MICAL2: variants seen among roughly 807,000 people sequenced by gnomAD.
MICAL2 encodes the protein microtubule associated monooxygenase, calponin and LIM domain containing 2.
In MICAL2, 77 loss-of-function variants were observed where a neutral mutation model predicts 127.3. The observed-to-expected ratio is 0.60, with a 90% CI of 0.50 to 0.73. The LOEUF is 0.73. MICAL2 is among the 30% of genes least tolerant of loss of function. The pLI, the probability that MICAL2 is intolerant of heterozygous loss-of-function variation, is 0.00. For synonymous variants in MICAL2, 570 were observed against 551.1 expected (o/e 1.03, Z -0.48); for missense variants, 1,351 against 1,434.4 (o/e 0.94, Z 0.94).
At chr11:12,335,449 T>A (rs1938734346) in intron 32 of MICAL2, among the ~76,000 whole-genome samples, 1 of 152,126 alleles carries the variant, frequency 6.6e-6, no homozygotes, top group African/African-American at 2.4e-5. Flanking sequence ...CAGAAGCTCT[T>A]GAGTTTAATT....
intron 2 of MICAL2, among the ~76,000 whole-genome samples, chr11:12,139,356 C>T (rs551394668): frequency 3.9e-5 from 6 of 152,268 alleles, no homozygotes; most frequent in East Asian, 3.9e-4. Context: ...CCCTTCTCTC[C>T]GGGAGCTTTC....
chr11:12,262,043 G>C, intron 26 of MICAL2: 1 of 1,061,166 alleles, frequency 9.4e-7, no homozygotes, highest in African/African-American at 1.7e-5. Context: ...AAGGAGACTG[G>C]TTTGAATTAC....
intron 27 of MICAL2, chr11:12,262,830 C>G (rs181890450): frequency 3.1e-6 from 1 of 321,036 alleles, no homozygotes; most frequent in African/African-American, 2.1e-5. Context: ...GTTGCGTCTG[C>G]GAAGCTACCT....
chr11:12,239,334 C>T lies in MICAL2; in HGVS notation c.2065-102C>T, dbSNP rs567013387. Reference sequence around the variant, plus strand: ...CCCTTCCTCAGACCATGGAGGGAGCCCTTCTGCGGGAAGCTAGTCCCACGT... The same window carrying T: ...CCCTTCCTCAGACCATGGAGGGAGCTCTTCTGCGGGAAGCTAGTCCCACGT... On this transcript the variant is annotated intron_variant, in intron 16 of 27. Transcript: ENST00000683283. 3.1e-5 allele frequency: 46 copies of T among 1,501,058 alleles called. No homozygotes were observed. The African/African-American group carries it at 5.9e-4, about 19-fold the overall frequency. The allele number at this position is 1,501,058 out of a possible 1,614,324, so 93.0% of individuals were successfully genotyped here.
Position 12,213,329 on chromosome 11 carries a change from G to A in MICAL2, c.766G>A (p.Ala256Thr). The A allele has an allele frequency of 2.5e-6, 4 of 1,614,090 alleles. No individual in the cohort carries two copies. The highest frequency in any genetic ancestry group is 3.4e-6 in the Non-Finnish European group (4 of 1,179,934). ...CAACTTCATAAACAGAAACAGCACA[G>A]CGGAAGCCAAGGTGGAAGAGATTAG... ...TANFINRNST[A>T]EAKVEEISGV... The change falls in exon 7 of 28, where the codon GCG becomes ACG. Residue 256 changes from alanine to threonine, a missense_variant. Ala to Thr is a moderately conservative substitution (Grantham distance 58). Coordinates refer to ENST00000683283, the MANE Select transcript of MICAL2 (RefSeq NM_001282663.2).
At chr11:12,200,208 A>G (rs913363678) in intron 3 of MICAL2, among the ~76,000 whole-genome samples, 1 of 152,200 alleles carries the variant, frequency 6.6e-6, no homozygotes, top group African/African-American at 2.4e-5. Context: ...TGACCCGCAG[A>G]GCTGGTTCTG....
intron 29 of MICAL2, among the ~76,000 whole-genome samples, chr11:12,305,409 C>G (rs1864097368): frequency 6.6e-6 from 1 of 152,176 alleles, no homozygotes; most frequent in African/African-American, 2.4e-5. Flanking sequence ...TATGGGATTA[C>G]AGGTCCTTCC....
Position 12,358,402 on chromosome 11 carries a change from C to G in MICAL2, c.5797C>G (p.Arg1933Gly). Residue 1933 changes from arginine (R) to glycine (G), a missense_variant, in exon 35 of 35, where the codon CGC (arginine) becomes GGC (glycine). Transcript: ENST00000646065. ...ACTCGTCGATTCCTTAGAGGAACAA[C>G]GCATCAGAGAAAAAGCCGAGGACCA... is the stretch of plus-strand genomic sequence containing the variant. The G allele has an allele frequency of 6.2e-7, 1 of 1,614,102 alleles. No homozygotes were observed. Among genetic ancestry groups the G allele is most frequent in the South Asian group, 1.1e-5 (1 of 91,074 alleles).
chr11:12,120,754 A>G (rs1850439843), intron 1 of MICAL2, among the ~76,000 whole-genome samples: 1 of 152,220 alleles, frequency 6.6e-6, no homozygotes. Flanking sequence ...GGCTGGAATC[A>G]GGCTGCTCTG....
chr11:12,180,000 A>G (rs1857246836), intron 3 of MICAL2, among the ~76,000 whole-genome samples: 1 of 151,988 alleles, frequency 6.6e-6, no homozygotes, highest in Non-Finnish European at 1.5e-5. Context: ...TTCTCCACCA[A>G]ATTTCTGGGG....
At chr11:12,347,946 G>T (rs1294502075) in intron 32 of MICAL2, among the ~76,000 whole-genome samples, 7 of 152,058 alleles carry the variant, frequency 4.6e-5, no homozygotes, top group East Asian at 3.9e-4. Context: ...CTGAGGCCAG[G>T]AGTTCGAGAC....
chr11:12,257,031 C>A, intron 24 of MICAL2, 60 bp downstream of exon 24: 1 of 1,514,106 alleles, frequency 6.6e-7, no homozygotes, highest in Non-Finnish European at 8.9e-7. Context: ...GTGACCTTGG[C>A]TCGGGTTCCT....
At chr11:12,270,708 C>A (rs1483476332) in intron 24 of MICAL2, among the ~76,000 whole-genome samples, 1 of 152,238 alleles carries the variant, frequency 6.6e-6, no homozygotes, top group Admixed American at 6.5e-5. Context: ...CAACTTTTCT[C>A]TGCAGAGAGA....
chr11:12,170,761 T>A (rs987295497), intron 3 of MICAL2, among the ~76,000 whole-genome samples: 1 of 152,208 alleles, frequency 6.6e-6, no homozygotes, highest in African/African-American at 2.4e-5. Flanking sequence ...GGTGCCCCAG[T>A]GGGCTCCTAG....
intron 29 of MICAL2, among the ~76,000 whole-genome samples, chr11:12,316,090 ATCTT>A (rs1200240630): frequency 3.3e-5 from 5 of 151,944 alleles, no homozygotes; most frequent in African/African-American, 1.2e-4. Flanking sequence ...CAGCCACATG[ATCTT>A]TCTTATTGAT....
intron 23 of MICAL2, 73 bp downstream of exon 23, chr11:12,255,823 C>T (rs11820126): frequency 2.2e-5 from 27 of 1,225,820 alleles, no homozygotes; most frequent in African/African-American, 7.5e-5. Flanking sequence ...CATGGGATGT[C>T]GAGAGGATGC....
At chr11:12,222,554 G>A (rs1391916131) in intron 10 of MICAL2, 63 bp from the exon 11 acceptor site, 1 of 1,607,182 alleles carries the variant, frequency 6.2e-7, no homozygotes, top group Non-Finnish European at 8.5e-7. Context: ...AGTAGGGAAG[G>A]GTGGGGACAA....
At chr11:12,214,406 CTG>C (rs1031241888) in intron 7 of MICAL2, among the ~76,000 whole-genome samples, 1 of 152,162 alleles carries the variant, frequency 6.6e-6, no homozygotes, top group Non-Finnish European at 1.5e-5. Context: ...TGTTATGTGA[CTG>C]TAGCTTAAAT....
intron 30 of MICAL2, among the ~76,000 whole-genome samples, chr11:12,321,105 C>T (rs574513058): frequency 2.0e-4 from 31 of 152,176 alleles, no homozygotes; most frequent in African/African-American, 6.7e-4. Flanking sequence ...AATAGCAAGA[C>T]GGTGGTATTT....
Sources: gnomAD v4.1 joint callset for allele counts (sites outside exome capture counted in the v4.1 genomes callset) on GRCh38, gnomAD v4.1.1 for gene constraint, MANE v1.5 for transcripts, NCBI Gene and HGNC (gene_info 2026-07-23, HGNC 2026-07-21) for gene names.